CHSY3: variants seen among roughly 807,000 people sequenced by gnomAD.
CHSY3 encodes chondroitin sulfate synthase 3.
In CHSY3, 35 loss-of-function variants were observed where a neutral mutation model predicts 67.2. That is an observed-to-expected ratio of 0.52 (90% CI 0.40 to 0.69). CHSY3 has a LOEUF of 0.69. Ranked by LOEUF, CHSY3 falls within the 30% of genes least tolerant of loss-of-function variation. CHSY3 has a pLI of 0.00. For synonymous variants in CHSY3, 474 were observed against 434.7 expected (o/e 1.09, Z -1.12); for missense variants, 1,069 against 1,138.5 (o/e 0.94, Z 0.88).
At chr5:130,023,512 G>A (rs1764450750) in intron 2 of CHSY3, among the ~76,000 whole-genome samples, 1 of 152,006 alleles carries the variant, frequency 6.6e-6, no homozygotes, top group South Asian at 2.1e-4. Context: ...ATAAATGTTT[G>A]AAGGGTGAGT....
At chr5:129,932,715 G>C (rs1034007156) in intron 2 of CHSY3, among the ~76,000 whole-genome samples, 1 of 152,066 alleles carries the variant, frequency 6.6e-6, no homozygotes, top group South Asian at 2.1e-4. Flanking sequence ...TTCTGAATTA[G>C]AGTTAAAATA....
intron 2 of CHSY3, among the ~76,000 whole-genome samples, chr5:129,910,523 G>A (rs963193685): frequency 4.6e-5 from 7 of 151,910 alleles, no homozygotes; most frequent in African/African-American, 1.7e-4. Context: ...AATCTCAAAA[G>A]TCTTATATAG....
intron 2 of CHSY3, among the ~76,000 whole-genome samples, chr5:130,020,461 A>ATATATATTT (rs1371121130): frequency 2.3e-4 from 18 of 79,866 alleles, no homozygotes; most frequent in African/African-American, 4.9e-4. Flanking sequence ...ATATATATAT[A>ATATATATTT]TTTTTTTTTT....
intron 2 of CHSY3, among the ~76,000 whole-genome samples, chr5:130,020,461 A>ATTTTTTTTT (rs1196155924): frequency 6.3e-5 from 5 of 79,932 alleles, no homozygotes; most frequent in African/African-American, 1.8e-4. Context: ...ATATATATAT[A>ATTTTTTTTT]TTTTTTTTTT....
intron 2 of CHSY3, among the ~76,000 whole-genome samples, chr5:130,100,299 C>T (rs1431287813): frequency 3.9e-5 from 6 of 151,906 alleles, no homozygotes; most frequent in African/African-American, 1.4e-4. Context: ...ATTCTCCTGA[C>T]TCAGCCTCTC....
At chr5:130,083,073 A>G (rs985068420) in intron 2 of CHSY3, among the ~76,000 whole-genome samples, 18 of 152,092 alleles carry the variant, frequency 1.2e-4, no homozygotes, top group African/African-American at 4.1e-4. Flanking sequence ...AGGTAACAGA[A>G]ATGAGGCGCT....
At chr5:130,038,508 GTA>G (rs1395389392) in intron 2 of CHSY3, among the ~76,000 whole-genome samples, 1 of 152,082 alleles carries the variant, frequency 6.6e-6, no homozygotes, top group Admixed American at 6.6e-5. Flanking sequence ...AAAAGAGCAG[GTA>G]ATGTAGAGAT....
intron 2 of CHSY3, among the ~76,000 whole-genome samples, chr5:129,946,739 G>C (rs1169788961): frequency 6.6e-6 from 1 of 152,086 alleles, no homozygotes; most frequent in Non-Finnish European, 1.5e-5. Context: ...GTTCATCCAT[G>C]TTGTTGCAAA....
At chr5:130,012,331 A>T (rs1340825296) in intron 2 of CHSY3, among the ~76,000 whole-genome samples, 1 of 152,224 alleles carries the variant, frequency 6.6e-6, no homozygotes, top group African/African-American at 2.4e-5. Context: ...AGCCAACAAA[A>T]ACAAGCACAA....
At chr5:129,941,612 A>G (rs1374896737) in intron 2 of CHSY3, among the ~76,000 whole-genome samples, 2 of 152,196 alleles carry the variant, frequency 1.3e-5, no homozygotes, top group African/African-American at 2.4e-5. Context: ...AGATTACCAG[A>G]GAGTGTCTGT....
intron 2 of CHSY3, among the ~76,000 whole-genome samples, chr5:130,096,498 A>G (rs911821131): frequency 1.3e-5 from 2 of 152,214 alleles, no homozygotes; most frequent in African/African-American, 4.8e-5. Flanking sequence ...CAAAGTGCTT[A>G]GTTTTGATAA....
At chr5:130,102,745 T>C (rs943981044) in intron 2 of CHSY3, among the ~76,000 whole-genome samples, 1 of 152,118 alleles carries the variant, frequency 6.6e-6, no homozygotes, top group Non-Finnish European at 1.5e-5. Flanking sequence ...GAAATTTAAA[T>C]TCCTACATAT....
chr5:129,916,117 A>G (rs1561452918), intron 2 of CHSY3, among the ~76,000 whole-genome samples: 1 of 152,224 alleles, frequency 6.6e-6, no homozygotes, highest in East Asian at 1.9e-4. Flanking sequence ...ATTTTGTTTT[A>G]AAATATAACA....
intron 2 of CHSY3, among the ~76,000 whole-genome samples, chr5:130,173,065 G>A (rs1314484839): frequency 6.6e-6 from 1 of 152,102 alleles, no homozygotes; most frequent in Non-Finnish European, 1.5e-5. Context: ...TGATGGGACT[G>A]AAAGTAACTT....
chr5:130,156,358 A>G (rs1208607061), intron 2 of CHSY3, among the ~76,000 whole-genome samples: 4 of 152,196 alleles, frequency 2.6e-5, no homozygotes, highest in African/African-American at 9.6e-5. Flanking sequence ...CCTTAATGCC[A>G]AGGTACACTT....
intron 2 of CHSY3, among the ~76,000 whole-genome samples, chr5:130,132,890 C>A (rs377172475): frequency 1.3e-5 from 2 of 152,118 alleles, no homozygotes; most frequent in South Asian, 4.1e-4. Context: ...TGTTGAGAAA[C>A]CCTGAAGTAC....
chr5:130,142,874 T>G (rs1166659136), intron 2 of CHSY3, among the ~76,000 whole-genome samples: 4 of 152,094 alleles, frequency 2.6e-5, no homozygotes, highest in Non-Finnish European at 5.9e-5. Context: ...TCTTGAAGAT[T>G]TCCCTCAATC....
chr5:130,137,116 T>A (rs1768689391), intron 2 of CHSY3, among the ~76,000 whole-genome samples: 1 of 152,192 alleles, frequency 6.6e-6, no homozygotes, highest in South Asian at 2.1e-4. Context: ...TCTCAATATA[T>A]TGTCTTCTAC....
intron 2 of CHSY3, among the ~76,000 whole-genome samples, chr5:129,988,476 T>C (rs1763267824): frequency 6.6e-6 from 1 of 152,194 alleles, no homozygotes; most frequent in East Asian, 1.9e-4. Context: ...TAGACATATA[T>C]TTTTCTTTGA....
Sources: gnomAD v4.1 joint callset for allele counts (sites outside exome capture counted in the v4.1 genomes callset) on GRCh38, gnomAD v4.1.1 for gene constraint, MANE v1.5 for transcripts, NCBI Gene and HGNC (gene_info 2026-07-23, HGNC 2026-07-21) for gene names.